Variants in KCNK2 observed in about 807,000 individuals in gnomAD.
KCNK2 encodes potassium channel subfamily K member 2.
Under a neutral mutation model 40.5 loss-of-function variants are expected in KCNK2, and 21 were observed. The observed-to-expected ratio is 0.52, with a 90% CI of 0.37 to 0.75. The LOEUF is 0.75. Among genes scored for constraint, KCNK2 ranks in the 30% least tolerant of loss-of-function variants. The pLI is 0.00. For missense variants in KCNK2, 399 were observed against 531.6 expected (o/e 0.75, Z 2.45); for synonymous variants, 191 against 202.2 (o/e 0.94, Z 0.47).
upstream of KCNK2, among the ~76,000 whole-genome samples, chr1:215,081,404 A>G (rs748196337): frequency 6.6e-6 from 1 of 152,134 alleles, no homozygotes; most frequent in Non-Finnish European, 1.5e-5. Flanking sequence ...TTTAGAAAGG[A>G]CATCTGATTG....
chr1:215,086,781 A>T, intron 2 of KCNK2, 103 bp downstream of exon 2: 3 of 1,021,002 alleles, frequency 2.9e-6, no homozygotes, highest in South Asian at 1.5e-5. Context: ...TGCTGGTGGG[A>T]GCCCTATCCC....
intron 2 of KCNK2, among the ~76,000 whole-genome samples, chr1:215,093,432 A>C (rs1445504785): frequency 6.9e-5 from 9 of 129,904 alleles, no homozygotes; most frequent in African/African-American, 2.6e-4. Context: ...TATTATGTAC[A>C]TATAATATAC....
At position 215,136,721 on chromosome 1, in the gene KCNK2, C is replaced by T. The variant is rs376638473; in HGVS notation, c.475+11971C>T. On this transcript the variant is annotated intron_variant, in intron 3 of 6. Transcript: ENST00000444842. Reference sequence around the variant, plus strand: ...GACCAGAATGAGGCACATTGAACACCGGCTGATAAAGCTTTATACAAGTGC... The same window carrying T: ...GACCAGAATGAGGCACATTGAACACTGGCTGATAAAGCTTTATACAAGTGC... Among the ~76,000 whole-genome samples, 313 of 152,132 alleles carry T rather than the reference C, an allele frequency of 2.1e-3. 1 individual carries two copies. The highest frequency in any genetic ancestry group is 5.2e-3 in the Admixed American group (80 of 15,274).
intron 5 of KCNK2, among the ~76,000 whole-genome samples, chr1:215,180,231 C>T (rs988221784): frequency 6.6e-5 from 10 of 152,070 alleles, no homozygotes; most frequent in Admixed American, 3.3e-4. Flanking sequence ...CAACCCTTTT[C>T]TTTGAGCCTA....
At chr1:215,012,211 A>G (rs959387838) in intron 1 of KCNK2, among the ~76,000 whole-genome samples, 4 of 152,152 alleles carry the variant, frequency 2.6e-5, no homozygotes, top group African/African-American at 7.2e-5. Context: ...ATATAACTCT[A>G]TAAGAAATTA....
intron 1 of KCNK2, among the ~76,000 whole-genome samples, chr1:215,031,251 G>T (rs924850189): frequency 1.3e-5 from 2 of 152,162 alleles, no homozygotes; most frequent in African/African-American, 4.8e-5. Context: ...TTAAGCATCA[G>T]TTTGTCGATA....
Position 215,022,129 on chromosome 1 carries a change from A to ATCTATCT in KCNK2, c.34+16174_34+16175insTCTATCT, listed in dbSNP as rs5780811. ...CTCCTATCTATCTATCTATCTATCT[A>ATCTATCT]ATCATCTATCTATCTAATCCATCTA... On this transcript the variant is annotated intron_variant, in intron 1 of 6. Coordinates refer to the KCNK2 transcript ENST00000391895. Among the ~76,000 whole-genome samples the ATCTATCT allele has an allele frequency of 1.3e-3, 159 of 123,030 alleles. 1 individual carries two copies. Among genetic ancestry groups the ATCTATCT allele is most frequent in the Non-Finnish European group, 1.7e-3 (98 of 58,480 alleles). The allele number at this position is 123,030 out of a possible 152,430, so 80.7% of individuals were successfully genotyped here.
intron 1 of KCNK2, among the ~76,000 whole-genome samples, chr1:215,074,302 G>T (rs1658858443): frequency 6.6e-6 from 1 of 152,132 alleles, no homozygotes; most frequent in Admixed American, 6.5e-5. Context: ...GATGCAAAAA[G>T]GTAAAAGGGA....
intron 3 of KCNK2, among the ~76,000 whole-genome samples, chr1:215,131,397 A>C (rs1661671474): frequency 6.8e-6 from 1 of 147,038 alleles, no homozygotes; most frequent in Non-Finnish European, 1.5e-5. Flanking sequence ...AGTAATATGT[A>C]ATTAGTATAT....
intron 5 of KCNK2, among the ~76,000 whole-genome samples, chr1:215,189,892 C>T (rs984702640): frequency 6.6e-6 from 1 of 151,952 alleles, no homozygotes; most frequent in Non-Finnish European, 1.5e-5. Context: ...GTCAAGTAAA[C>T]CCCCCAAAAT....
intron 1 of KCNK2, among the ~76,000 whole-genome samples, chr1:215,070,440 A>G (rs1033593315): frequency 2.4e-5 from 3 of 126,470 alleles, no homozygotes; most frequent in African/African-American, 8.4e-5. Flanking sequence ...AAAAAAAAAA[A>G]GGAAAGAGGT....
At chr1:215,151,761 T>G (rs2102613633) in intron 3 of KCNK2, among the ~76,000 whole-genome samples, 1 of 152,158 alleles carries the variant, frequency 6.6e-6, no homozygotes, top group South Asian at 2.1e-4. Flanking sequence ...GCTGTTGAGG[T>G]TTTTTTGTTT....
intron 1 of KCNK2, among the ~76,000 whole-genome samples, chr1:215,044,282 T>C (rs1038983670): frequency 3.9e-5 from 6 of 152,188 alleles, no homozygotes; most frequent in African/African-American, 1.4e-4. Flanking sequence ...TATACCCTTC[T>C]TGGTGCTTTG....
chr1:215,212,647 T>C (rs1665788787), intron 6 of KCNK2, among the ~76,000 whole-genome samples: 1 of 152,202 alleles, frequency 6.6e-6, no homozygotes, highest in South Asian at 2.1e-4. Context: ...TGAGAAAATA[T>C]AGTTACCTTT....
intron 1 of KCNK2, among the ~76,000 whole-genome samples, chr1:215,057,937 T>C (rs1043805763): frequency 6.6e-6 from 1 of 151,984 alleles, no homozygotes; most frequent in African/African-American, 2.4e-5. Flanking sequence ...CAGTGAATAG[T>C]AGTGACAATG....
At chr1:215,050,883 G>A (rs1288615989) in intron 1 of KCNK2, among the ~76,000 whole-genome samples, 1 of 152,080 alleles carries the variant, frequency 6.6e-6, no homozygotes, top group African/African-American at 2.4e-5. Flanking sequence ...TTAGCTCCCG[G>A]CATCATTACA....
intron 5 of KCNK2, among the ~76,000 whole-genome samples, chr1:215,174,347 A>T (rs558209852): frequency 6.6e-6 from 1 of 152,334 alleles, no homozygotes; most frequent in Non-Finnish European, 1.5e-5. Flanking sequence ...TTTTGGTACC[A>T]GTACCATGCT....
chr1:215,200,074 T>C (rs1188064784), intron 6 of KCNK2, among the ~76,000 whole-genome samples: 1 of 152,218 alleles, frequency 6.6e-6, no homozygotes, highest in African/African-American at 2.4e-5. Flanking sequence ...AGGCAAGCAA[T>C]GCTTCTCTAC....
In KCNK2 at chr1:215,204,037, C is replaced by CAAAAAAAAAA. The variant is rs71167813; in HGVS notation, c.963+8963_963+8972dup. Among the ~76,000 whole-genome samples, 55 of 53,180 alleles carry CAAAAAAAAAA rather than the reference C, an allele frequency of 1.0e-3. 4 individuals carry two copies. The highest frequency in any genetic ancestry group is 5.7e-3 in the African/African-American group (53 of 9,238). The allele number at this position is 53,180 out of a possible 152,430, so 34.9% of individuals were successfully genotyped here. On this transcript the variant is annotated intron_variant, in intron 6 of 6. Coordinates refer to ENST00000444842, the MANE Select transcript of KCNK2 (RefSeq NM_001017425.3). Reference sequence around the variant, plus strand: ...TGGGCGATAGAGCGAGACTCCGTCTCAAAAAAAAAAAAAAAAAAAAAAAAA... The same window carrying CAAAAAAAAAA: ...TGGGCGATAGAGCGAGACTCCGTCTCAAAAAAAAAAAAAAAAAAAAAAAAAAAAAAAAAAA...
Sources: allele counts gnomAD v4.1 joint callset (sites outside exome capture counted in the v4.1 genomes callset), GRCh38; gene constraint gnomAD v4.1.1; transcripts MANE v1.5; gene names NCBI Gene and HGNC (gene_info 2026-07-23, HGNC 2026-07-21).